Variants in SARS2 observed in about 807,000 individuals in gnomAD.
The protein encoded by SARS2 is seryl-tRNA synthetase 2, mitochondrial, also known as serine--tRNA ligase, mitochondrial.
Under a neutral mutation model 66.8 loss-of-function variants are expected in SARS2, and 52 were observed. That is an observed-to-expected ratio of 0.78 (90% CI 0.62 to 0.98). The LOEUF (loss-of-function observed/expected upper bound fraction) is 0.98. Ranked by LOEUF, SARS2 falls within the 50% of genes least tolerant of loss-of-function variation. The pLI is 0.00. For synonymous variants in SARS2, 306 were observed against 281.4 expected, an observed-to-expected ratio of 1.09 and a Z score of -0.87; for missense variants, 673 against 706.3, an observed-to-expected ratio of 0.95 and a Z score of 0.53.
intron 5 of SARS2, among the ~76,000 whole-genome samples, 169 bp from the exon 6 acceptor site, chr19:38,920,318 G>C (rs1424662762): frequency 2.0e-5 from 3 of 151,656 alleles, no homozygotes; most frequent in Non-Finnish European, 4.4e-5. Context: ...GGGAAGAAAA[G>C]ACAGACAGGA....
rs568354428 is a variant in SARS2, at chr19:38,927,514, G to C, written c.268-1214C>G. ...CTGGAAGTCTCACGGAGCCTGAGAGGCTGCCATGAGCCAAGATCATGCCAC... is the reference window on the plus strand; with the variant it reads ...CTGGAAGTCTCACGGAGCCTGAGAGCCTGCCATGAGCCAAGATCATGCCAC... On this transcript the variant is annotated intron_variant, in intron 1 of 15. Transcript: ENST00000221431. Among the ~76,000 whole-genome samples the C allele has an allele frequency of 2.9e-4, 44 of 151,662 alleles. No individual in the cohort carries two copies. In the South Asian group the frequency reaches 8.5e-3, roughly 29 times the overall value.
chr19:38,918,749 G>T lies in SARS2; in HGVS notation c.807+17C>A. 6.4e-7 allele frequency: 1 copy of T among 1,556,882 alleles called. No homozygotes were observed. Among genetic ancestry groups the T allele is most frequent in the East Asian group, 2.4e-5 (1 of 41,910 alleles). On this transcript the variant is annotated intron_variant, in intron 8 of 15. Coordinates refer to ENST00000221431, the MANE Select transcript of SARS2 (RefSeq NM_017827.4). ...TGACACCCAGGTGGGCGAGGGAAGC[G>T]GAGAGGCCTCACTCACAAACACTGC...
intron 5 of SARS2, 74 bp downstream of exon 5, chr19:38,921,318 G>C: frequency 6.5e-7 from 1 of 1,526,730 alleles, no homozygotes; most frequent in East Asian, 2.4e-5. Flanking sequence ...CAGACCCCAG[G>C]GGCCCCCACC....
intron 5 of SARS2, among the ~76,000 whole-genome samples, chr19:38,920,812 GAGAC>G (rs1359998202): frequency 6.7e-6 from 1 of 150,134 alleles, no homozygotes; most frequent in African/African-American, 2.5e-5. Context: ...CAGACACACA[GAGAC>G]AGACACATAC....
chr19:38,915,519 G>A lies in SARS2; in HGVS notation c.*87C>T, dbSNP rs754109422. 15 of 1,514,610 alleles carry A rather than the reference G, an allele frequency of 9.9e-6. No homozygotes were observed. The highest frequency in any genetic ancestry group is 8.2e-5 in the African/African-American group (6 of 72,950). 93.8% of individuals were successfully genotyped at this position (1,514,610 alleles called of 1,614,324 possible). A position where few individuals can be genotyped will look rare whatever the true frequency, so the allele number is the denominator to read the frequency against. On this transcript the variant is annotated 3_prime_UTR_variant, in exon 16 of 16. Transcript: ENST00000221431. ...ACAGGAAGAACACAGATGTCAGGAC[G>A]GGCTCAGCAACACAGGTCCCAGGTG... is the stretch of plus-strand genomic sequence containing the variant.
intron 12 of SARS2, among the ~76,000 whole-genome samples, chr19:38,916,960 G>T (rs2144761939): frequency 1.3e-5 from 2 of 151,378 alleles, no homozygotes; most frequent in South Asian, 4.2e-4. Context: ...ACCGTGCCTG[G>T]CCTTTATTTT....
At chr19:38,918,065 G>C (rs1251743448) in intron 10 of SARS2, 29 bp downstream of exon 10, 8 of 1,604,828 alleles carry the variant, frequency 5.0e-6, no homozygotes, top group Non-Finnish European at 4.3e-6. Flanking sequence ...TCACAGGTGG[G>C]GTCAAGGTCT....
At chr19:38,920,235 G>A in intron 5 of SARS2, 86 bp from the exon 6 acceptor site, 1 of 1,043,850 alleles carries the variant, frequency 9.6e-7, no homozygotes. Context: ...CAGCAGAGAG[G>A]AGGGACGGTG....
At chr19:38,923,795 A>G (rs1179478768) in intron 2 of SARS2, among the ~76,000 whole-genome samples, 50 of 151,772 alleles carry the variant, frequency 3.3e-4, no homozygotes, top group Admixed American at 3.3e-3. Flanking sequence ...CCTGGCTAAC[A>G]TGGTCTCTAC....
Position 38,919,743 on chromosome 19 carries a change from C to T in SARS2, c.759+19G>A. 4 of 1,606,270 alleles carry T rather than the reference C, an allele frequency of 2.5e-6. No homozygotes were observed. The highest frequency in any genetic ancestry group is 3.4e-6 in the Non-Finnish European group (4 of 1,172,800). On this transcript the variant is annotated intron_variant, in intron 7 of 15. Coordinates refer to ENST00000221431, the MANE Select transcript of SARS2 (RefSeq NM_017827.4). ...TCGATGCCACCCCCTCCAGGCAGCCCTCCTATCTTGGCCCATACCCGGCGG... is the reference window on the plus strand; with the variant it reads ...TCGATGCCACCCCCTCCAGGCAGCCTTCCTATCTTGGCCCATACCCGGCGG...
intron 2 of SARS2, among the ~76,000 whole-genome samples, chr19:38,925,193 A>G (rs1974607081): frequency 6.6e-6 from 1 of 152,074 alleles, no homozygotes; most frequent in South Asian, 2.1e-4. Context: ...CATGTCTGTA[A>G]TCCCAGCTAC....
intron 3 of SARS2, 97 bp from the exon 4 acceptor site, chr19:38,921,764 A>T: frequency 6.6e-7 from 1 of 1,518,190 alleles, no homozygotes; most frequent in South Asian, 1.2e-5. Context: ...TGTGGTGGAC[A>T]TTCATGCCTC....
At chr19:38,928,853 GA>G (rs149657566) in intron 1 of SARS2, among the ~76,000 whole-genome samples, 150 of 152,230 alleles carry the variant, frequency 9.9e-4, no homozygotes, top group African/African-American at 3.3e-3. Context: ...CTGTCTCTAT[GA>G]ATTTGATTAC....
In SARS2 at chr19:38,923,455, C is replaced by T. The variant is rs533479121; in HGVS notation, c.364-1188G>A. On this transcript the variant is annotated intron_variant, in intron 2 of 15. Coordinates refer to ENST00000221431, the MANE Select transcript of SARS2 (RefSeq NM_017827.4). ...GCCGGGATGGTCTCGATCTCCTGAC[C>T]TCGTGATCCGCCCACCTCGGCCTCC... is the stretch of plus-strand genomic sequence containing the variant. Among the ~76,000 whole-genome samples the T allele has an allele frequency of 1.5e-3, 200 of 130,972 alleles. No homozygotes were observed. The Middle Eastern group carries it at 0.017, about 11-fold the overall frequency. 85.9% of individuals were successfully genotyped at this position (130,972 alleles called of 152,430 possible).
Position 38,915,840 on chromosome 19 carries a change from C to G in SARS2, c.1413+1G>C, listed in dbSNP as rs200060827. 3.7e-6 allele frequency: 6 copies of G among 1,613,622 alleles called. No individual in the cohort carries two copies. The highest frequency in any genetic ancestry group is 2.7e-5 in the African/African-American group (2 of 74,940). On this transcript the variant is annotated splice_donor_variant, in intron 15 of 15. Coordinates refer to ENST00000221431, the MANE Select transcript of SARS2 (RefSeq NM_017827.4). LOFTEE classifies it high-confidence loss of function. ...TCTGGGTGGGCCCCTCAGCCCCTCA[C>G]CTTCTGCTGGTTACTCTCCAGGAGC...
chr19:38,925,912 G>A (rs989514925), intron 2 of SARS2, among the ~76,000 whole-genome samples: 1 of 152,124 alleles, frequency 6.6e-6, no homozygotes, highest in African/African-American at 2.4e-5. Flanking sequence ...CGCCTCCTAG[G>A]TTCAAGCGAT....
chr19:38,919,807 CAGG>C lies in SARS2; in HGVS notation c.711_713del (p.Leu238del). On this transcript the variant is annotated inframe_deletion, in exon 7 of 16. Transcript: ENST00000221431. ...ATGTGAAGTTGACCAGGCCGTGCTG[CAGG>C]AGGGCTCCAGCCCCGCGCAGGTAAT... 1 of 1,614,178 alleles carries C rather than the reference CAGG, an allele frequency of 6.2e-7. No homozygotes were observed. The highest frequency in any genetic ancestry group is 8.5e-7 in the Non-Finnish European group (1 of 1,180,022).
chr19:38,926,235 T>C lies in SARS2; in HGVS notation c.333A>G (p.Ala111=). 6.2e-7 allele frequency: 1 copy of C among 1,606,856 alleles called. No homozygotes were observed. Among genetic ancestry groups the C allele is most frequent in the South Asian group, 1.1e-5 (1 of 91,084 alleles). Residue 111 remains alanine, a synonymous_variant, in exon 2 of 16, where the codon GCA becomes GCG. Coordinates refer to ENST00000221431, the MANE Select transcript of SARS2 (RefSeq NM_017827.4). ...GGGCCCGCACTGCCTCAGTCACAGC[T>C]GCCTTCTCTTCCTCCAGGCTCCGGA... ...EQIRSLEEEK[A]AVTEAVRALL...
At chr19:38,923,222 T>TC (rs1214183272) in intron 2 of SARS2, among the ~76,000 whole-genome samples, 1 of 118,670 alleles carries the variant, frequency 8.4e-6, no homozygotes, top group Non-Finnish European at 1.7e-5. Flanking sequence ...AGGTTTTCTT[T>TC]TTTTTTTTTT....
Sources: gnomAD v4.1 joint callset for allele counts (sites outside exome capture counted in the v4.1 genomes callset) on GRCh38, gnomAD v4.1.1 for gene constraint, MANE v1.5 for transcripts, NCBI Gene and HGNC (gene_info 2026-07-23, HGNC 2026-07-21) for gene names.